The following SPTA1 variants were observed in gnomAD, a reference collection of about 807,000 sequenced individuals.
The protein encoded by SPTA1 is spectrin alpha chain, erythrocytic 1.
Under a neutral mutation model 324.7 loss-of-function variants are expected in SPTA1, and 177 were observed. The ratio of observed to expected loss-of-function variants is 0.55; its 90% CI spans 0.48 to 0.62. The LOEUF (loss-of-function observed/expected upper bound fraction) is 0.62. Among genes scored for constraint, SPTA1 ranks in the 20% least tolerant of loss-of-function variants. The pLI is 0.00. For missense variants in SPTA1, 3,162 were observed against 2,883.6 expected (o/e 1.10, Z -2.21); for synonymous variants, 1,195 against 1,041.3 (o/e 1.15, Z -2.84).
rs746623140 is a variant in SPTA1 at position 158,611,322 on chromosome 1, C to T, written c.7202G>A (p.Arg2401Gln). The change falls in exon 52 of 52, where the codon CGA (arginine) becomes CAA (glutamine). Residue 2401 changes from arginine (R) to glutamine (Q), a missense_variant. Transcript: ENST00000643759. ...HMQQYMDPRG[R>Q]SHLSGYDYVG... ...GTAGTCATAGCCAGAGAGATGGCTT[C>T]GACCCCGTGGGTCCATATATTGCTG... The T allele has an allele frequency of 7.4e-6, 12 of 1,613,670 alleles. No individual in the cohort carries two copies. Among genetic ancestry groups the T allele is most frequent in the Admixed American group, 5.0e-5 (3 of 59,938 alleles).
At chr1:158,641,394 G>A (rs1029565688) in intron 33 of SPTA1, among the ~76,000 whole-genome samples, 1 of 152,006 alleles carries the variant, frequency 6.6e-6, no homozygotes, top group African/African-American at 2.4e-5. Context: ...GGGAGAAAAT[G>A]TTTGCAATCC....
intron 42 of SPTA1, among the ~76,000 whole-genome samples, chr1:158,625,484 T>A (rs1050164726): frequency 2.0e-5 from 3 of 151,944 alleles, no homozygotes; most frequent in Non-Finnish European, 2.9e-5. Context: ...CAATATACAA[T>A]AAAATAGACT....
chr1:158,620,723 A>G, intron 43 of SPTA1: 2 of 395,504 alleles, frequency 5.1e-6, no homozygotes, highest in Non-Finnish European at 4.5e-6. Context: ...GGGAGGTCGA[A>G]TTATTTCTAA....
At position 158,648,643 on chromosome 1, in the gene SPTA1, C is replaced by T. The variant is rs867973198; in HGVS notation, c.3580G>A (p.Asp1194Asn). The T allele has an allele frequency of 2.5e-6, 4 of 1,613,778 alleles. No homozygotes were observed. In the South Asian group the frequency reaches 3.3e-5, roughly 13 times the overall value. Reference sequence around the variant, plus strand: ...TTCTTCTCAATCTGCTCCTTCGTGTCATCTGCTTCTCTGGTATACAAGAGA... The same window carrying T: ...TTCTTCTCAATCTGCTCCTTCGTGTTATCTGCTTCTCTGGTATACAAGAGA... ...AVEVFHREAD[D>N]TKEQIEKKCQ... The change falls in exon 26 of 52, where the codon GAC becomes AAC. Residue 1194 changes from aspartate (D) to asparagine (N), a missense_variant. Physicochemically the swap from Asp to Asn is conservative, Grantham distance 23. Coordinates refer to ENST00000643759, the MANE Select transcript of SPTA1 (RefSeq NM_003126.4).
In SPTA1 at chr1:158,668,405, C is replaced by G. The variant is rs534902691; in HGVS notation, c.1834-343G>C. ...CTCACCGCATACATGAACCTTCCATCCATTTGACCCATATAGAGATCTGTT... is the reference window on the plus strand; with the variant it reads ...CTCACCGCATACATGAACCTTCCATGCATTTGACCCATATAGAGATCTGTT... On this transcript the variant is annotated intron_variant, in intron 14 of 51. Transcript: ENST00000643759. 7.9e-5 allele frequency among the ~76,000 whole-genome samples: 12 copies of G among 152,224 alleles called. No homozygotes were observed. The South Asian group carries it at 2.5e-3, about 32-fold the overall frequency.
rs1371276291 is a variant in SPTA1 at position 158,649,946 on chromosome 1, T to A, written c.3479A>T (p.Glu1160Val). The A allele has an allele frequency of 6.2e-7, 1 of 1,611,422 alleles. No individual in the cohort carries two copies. Among genetic ancestry groups the A allele is most frequent in the African/African-American group, 1.3e-5 (1 of 74,860 alleles). The change falls in exon 25 of 52, where the codon GAA (glutamate) becomes GTA (valine). Residue 1160 changes from glutamate to valine, a missense_variant and splice_region_variant. Glu to Val is a moderately radical substitution (Grantham distance 121). Transcript: ENST00000643759. ...CAAAGAACCCCAGCGGGAATTCAAT[T>A]CCTAAAAGAGGCAAAAACATCAGAC... ...LTPEGAQIRQ[E>V]LNSRWGSLQR...
In SPTA1 at chr1:158,649,944, A is replaced by G; in HGVS notation, c.3481T>C (p.Leu1161=). The G allele has an allele frequency of 6.2e-7, 1 of 1,611,986 alleles. No homozygotes were observed. The highest frequency in any genetic ancestry group is 8.5e-7 in the Non-Finnish European group (1 of 1,178,818). The change falls in exon 25 of 52, where the codon TTG becomes CTG. Residue 1161 remains leucine (L), a synonymous_variant. Transcript: ENST00000643759. ...TPEGAQIRQE[L]NSRWGSLQRL... is the part of the protein sequence containing the mutation. ...TGCAAAGAACCCCAGCGGGAATTCA[A>G]TTCCTAAAAGAGGCAAAAACATCAG...
In SPTA1 at chr1:158,642,493, G is replaced by C. The variant is rs1257858480; in HGVS notation, c.4655C>G (p.Ser1552Cys). 1 of 1,613,680 alleles carries C rather than the reference G, an allele frequency of 6.2e-7. No individual in the cohort carries two copies. The highest frequency in any genetic ancestry group is 8.5e-7 in the Non-Finnish European group (1 of 1,179,738). The change falls in exon 33 of 52, where the codon TCT (serine) becomes TGT (cysteine). Residue 1552 changes from serine to cysteine, a missense_variant. Ser to Cys is a moderately radical substitution (Grantham distance 112). Transcript: ENST00000643759. ...GTTGATGACGCCATGCACCTGCTCA[G>C]ATCGGCCATCGACTTCATGTGCAAA... ...QTFAHEVDGR[S>C]EQVHGVINLG...
chr1:158,670,838 C>A (rs1653970426), intron 12 of SPTA1, among the ~76,000 whole-genome samples: 2 of 150,570 alleles, frequency 1.3e-5, no homozygotes, highest in South Asian at 4.2e-4. Context: ...TAGATGTTAC[C>A]AAGGAAGAGA....
intron 8 of SPTA1, among the ~76,000 whole-genome samples, chr1:158,675,215 A>G (rs1654314039): frequency 6.6e-6 from 1 of 152,188 alleles, no homozygotes; most frequent in Admixed American, 6.6e-5. Context: ...TTTAAGGACT[A>G]ACCATAAGAA....
At chr1:158,642,696 C>G in intron 32 of SPTA1, 118 bp downstream of exon 32, 3 of 1,582,744 alleles carry the variant, frequency 1.9e-6, no homozygotes, top group Non-Finnish European at 2.6e-6. Context: ...TCTGAAGTCT[C>G]TGAGAGCAGG....
Position 158,668,070 on chromosome 1 carries a change from A to G in SPTA1, c.1834-8T>C. On this transcript the variant is annotated splice_region_variant and splice_polypyrimidine_tract_variant and intron_variant, in intron 14 of 51. Coordinates refer to ENST00000643759, the MANE Select transcript of SPTA1 (RefSeq NM_003126.4). ...CTTCAAGTTCTGTATGTCCTGAGATAAGATGAAAAAAAAAAAAAAAACCAT... is the reference window on the plus strand; with the variant it reads ...CTTCAAGTTCTGTATGTCCTGAGATGAGATGAAAAAAAAAAAAAAAACCAT... 6.5e-7 allele frequency: 1 copy of G among 1,543,116 alleles called. No individual in the cohort carries two copies. Among genetic ancestry groups the G allele is most frequent in the Non-Finnish European group, 8.7e-7 (1 of 1,155,772 alleles).
intron 18 of SPTA1, among the ~76,000 whole-genome samples, chr1:158,659,187 A>T (rs1233376484): frequency 6.6e-6 from 1 of 152,128 alleles, no homozygotes; most frequent in East Asian, 1.9e-4. Context: ...GTAAAAATTT[A>T]AAATATGTGA....
At chr1:158,626,357 G>C (rs1269355116) in intron 41 of SPTA1, 135 bp from the exon 42 acceptor site, 1 of 840,092 alleles carries the variant, frequency 1.2e-6, no homozygotes, top group Admixed American at 2.0e-5. Flanking sequence ...TGGAATATGT[G>C]AGCAGTGGGA....
At chr1:158,640,063 C>T in intron 33 of SPTA1, 56 bp from the exon 34 acceptor site, 1 of 1,612,828 alleles carries the variant, frequency 6.2e-7, no homozygotes, top group Non-Finnish European at 8.5e-7. Context: ...GGCCCTGTGA[C>T]TACTTGAGAG....
chr1:158,623,557 G>C (rs1232256111), intron 42 of SPTA1, among the ~76,000 whole-genome samples: 1 of 152,132 alleles, frequency 6.6e-6, no homozygotes, highest in Non-Finnish European at 1.5e-5. Context: ...TTGTGATAGT[G>C]AGTGAGTTCT....
Position 158,662,917 on chromosome 1 carries a change from G to T in SPTA1, c.2249C>A (p.Ala750Asp), listed in dbSNP as rs747071065. Reference protein sequence around the residue: ...QDQVDILTDLAAYFEEIGHPD... With the variant: ...QDQVDILTDLDAYFEEIGHPD... ...ATGGCCTATTTCTTCAAAATATGCAGCCAGGTCTGTAAGGATATCCACCTG... is the reference window on the plus strand; with the variant it reads ...ATGGCCTATTTCTTCAAAATATGCATCCAGGTCTGTAAGGATATCCACCTG... The change falls in exon 17 of 52, where the codon GCT (alanine) becomes GAT (aspartate). Residue 750 changes from alanine (A) to aspartate (D), a missense_variant. Coordinates refer to ENST00000643759, the MANE Select transcript of SPTA1 (RefSeq NM_003126.4). The T allele has an allele frequency of 8.7e-6, 14 of 1,613,950 alleles. No homozygotes were observed. The highest frequency in any genetic ancestry group is 1.2e-5 in the Non-Finnish European group (14 of 1,179,976).
intron 27 of SPTA1, 57 bp downstream of exon 27, chr1:158,647,482 C>G: frequency 1.2e-6 from 2 of 1,606,298 alleles, no homozygotes; most frequent in Middle Eastern, 2.2e-4. Context: ...TGTACCCAGA[C>G]TGCTCCCAGA....
chr1:158,617,913 C>T lies in SPTA1; in HGVS notation c.6548+126G>A, dbSNP rs779780813. ...ATATAATGAGCTTTTCCTTCTCACT[C>T]CACATTTTTATTTACATACTACCAG... is the stretch of plus-strand genomic sequence containing the variant. On this transcript the variant is annotated intron_variant, in intron 46 of 51. Coordinates refer to ENST00000643759, the MANE Select transcript of SPTA1 (RefSeq NM_003126.4). The T allele has an allele frequency of 1.8e-4, 168 of 959,646 alleles. No homozygotes were observed. The Middle Eastern group carries it at 1.9e-3, about 11-fold the overall frequency. 59.4% of individuals were successfully genotyped at this position (959,646 alleles called of 1,614,324 possible). A position where few individuals can be genotyped will look rare whatever the true frequency, so the allele number is the denominator to read the frequency against.
Sources: gnomAD v4.1 joint callset for allele counts (sites outside exome capture counted in the v4.1 genomes callset) on GRCh38, gnomAD v4.1.1 for gene constraint, MANE v1.5 for transcripts, NCBI Gene and HGNC (gene_info 2026-07-23, HGNC 2026-07-21) for gene names.